SULT2B1: variants seen among roughly 807,000 people sequenced by gnomAD.
SULT2B1 encodes sulfotransferase family 2B member 1, also known as sulfotransferase 2B1.
Under a neutral mutation model 33.2 loss-of-function variants are expected in SULT2B1, and 16 were observed. The ratio of observed to expected loss-of-function variants is 0.48; its 90% confidence interval spans 0.33 to 0.73. The LOEUF is 0.73. SULT2B1 is among the 30% of genes least tolerant of loss of function. The probability of loss-of-function intolerance (pLI) is 0.02; values close to 1 mark genes in which losing one functional copy is unlikely to be tolerated. For synonymous variants in SULT2B1, 186 were observed against 200.5 expected, an observed-to-expected ratio of 0.93 and a Z score of 0.61; for missense variants, 500 against 506.0, an observed-to-expected ratio of 0.99 and a Z score of 0.11.
At chr19:48,570,247 T>G (rs1973302615) in intron 1 of SULT2B1, among the ~76,000 whole-genome samples, 1 of 150,666 alleles carries the variant, frequency 6.6e-6, no homozygotes, top group Non-Finnish European at 1.5e-5. Context: ...TGGCGCGATC[T>G]GGGCTCACTG....
At chr19:48,569,862 C>T (rs1973297456) in intron 1 of SULT2B1, among the ~76,000 whole-genome samples, 1 of 152,014 alleles carries the variant, frequency 6.6e-6, no homozygotes, top group South Asian at 2.1e-4. Context: ...GATGGGGTTT[C>T]GCCATGTTGC....
chr19:48,586,074 T>C (rs912747581), intron 2 of SULT2B1, among the ~76,000 whole-genome samples: 3 of 151,438 alleles, frequency 2.0e-5, no homozygotes, highest in Admixed American at 6.6e-5. Context: ...AATAAGAAAT[T>C]AGCCAGGTGT....
At chr19:48,576,641 T>TC (rs1973416201) in intron 2 of SULT2B1, among the ~76,000 whole-genome samples, 1 of 11,912 alleles carries the variant, frequency 8.4e-5, no homozygotes, top group African/African-American at 4.7e-4. Context: ...AATTGTATAC[T>TC]TTTTTTTTTT....
intron 2 of SULT2B1, among the ~76,000 whole-genome samples, chr19:48,579,283 C>CTTT (rs142498510): frequency 2.2e-5 from 3 of 136,674 alleles, no homozygotes; most frequent in African/African-American, 5.4e-5. Context: ...CATGCAAGTT[C>CTTT]TTTTTTTTTT....
chr19:48,591,695 C>A lies in SULT2B1; in HGVS notation c.510C>A (p.Gly170=), dbSNP rs1344158046. The A allele has an allele frequency of 1.9e-6, 3 of 1,611,276 alleles. No individual in the cohort carries two copies. In the African/African-American group the frequency reaches 4.0e-5, roughly 22 times the overall value. The part of the protein sequence containing the change: ...SKIAGQLKDP[G]TPDQFLRDFL... ...TCGCCGGGCAGTTAAAGGACCCGGG[C>A]ACACCCGACCAGTTCCTGAGGGACT... is the stretch of plus-strand genomic sequence containing the variant. Residue 170 remains glycine, a synonymous_variant, in exon 4 of 7, where the codon GGC becomes GGA. Coordinates refer to ENST00000201586, the MANE Select transcript of SULT2B1 (RefSeq NM_177973.2).
intron 1 of SULT2B1, among the ~76,000 whole-genome samples, chr19:48,555,764 G>T (rs2147594630): frequency 6.6e-6 from 1 of 152,048 alleles, no homozygotes; most frequent in South Asian, 2.1e-4. Flanking sequence ...TTTGGAGATG[G>T]AGTCTTGCTC....
At chr19:48,593,144 C>T (rs987016305) in intron 5 of SULT2B1, among the ~76,000 whole-genome samples, 75 of 152,120 alleles carry the variant, frequency 4.9e-4, no homozygotes, top group African/African-American at 1.7e-3. Context: ...AATCCTAATG[C>T]TTTGGGAGCC....
chr19:48,592,442 C>A (rs1334679334), intron 4 of SULT2B1, among the ~76,000 whole-genome samples: 1 of 152,238 alleles, frequency 6.6e-6, no homozygotes, highest in African/African-American at 2.4e-5. Flanking sequence ...CCTTTCTCTG[C>A]TGCTGTCAGA....
intron 1 of SULT2B1, among the ~76,000 whole-genome samples, chr19:48,553,944 C>T (rs1056769909): frequency 2.0e-5 from 3 of 151,850 alleles, no homozygotes; most frequent in African/African-American, 7.3e-5. Context: ...AAGGCCTCAC[C>T]CCCACCCCAG....
intron 1 of SULT2B1, among the ~76,000 whole-genome samples, chr19:48,559,662 A>G (rs1973148913): frequency 6.6e-6 from 1 of 152,210 alleles, no homozygotes; most frequent in South Asian, 2.1e-4. Flanking sequence ...TGTGGGACCC[A>G]GTGGGTCACC....
chr19:48,591,934 G>T (rs148298130), intron 4 of SULT2B1, among the ~76,000 whole-genome samples, 199 bp downstream of exon 4: 3 of 152,184 alleles, frequency 2.0e-5, no homozygotes, highest in Non-Finnish European at 4.4e-5. Context: ...CACAGGACAG[G>T]CAAAGGACAG....
intron 2 of SULT2B1, among the ~76,000 whole-genome samples, chr19:48,579,611 T>TC (rs1568409559): frequency 0.02 from 2,734 of 138,892 alleles, 120 homozygotes; most frequent in African/African-American, 0.069. Flanking sequence ...CTTTCTTTTT[T>TC]TTTTTTTTTT....
intron 3 of SULT2B1, among the ~76,000 whole-genome samples, 197 bp downstream of exon 3, chr19:48,587,634 G>A (rs1973583305): frequency 6.6e-6 from 1 of 152,124 alleles, no homozygotes; most frequent in Admixed American, 6.6e-5. Flanking sequence ...GCTCATGCCT[G>A]TAGTCCCAGC....
At chr19:48,597,778 T>G (rs1318310030) in intron 6 of SULT2B1, among the ~76,000 whole-genome samples, 1 of 150,894 alleles carries the variant, frequency 6.6e-6, no homozygotes, top group Non-Finnish European at 1.5e-5. Context: ...CAAGTAGCTG[T>G]GACTATAGGC....
chr19:48,579,174 T>C (rs1973451720), intron 2 of SULT2B1, among the ~76,000 whole-genome samples: 1 of 152,212 alleles, frequency 6.6e-6, no homozygotes, highest in Admixed American at 6.6e-5. Context: ...TAATATTTTA[T>C]GTTATGTATA....
At chr19:48,581,847 T>G (rs369886720) in intron 2 of SULT2B1, among the ~76,000 whole-genome samples, 30 of 150,926 alleles carry the variant, frequency 2.0e-4, no homozygotes, top group African/African-American at 6.8e-4. Context: ...TCTTTTCATT[T>G]TCATATCAGC....
At chr19:48,561,464 AAATT>A (rs869182776) in intron 1 of SULT2B1, among the ~76,000 whole-genome samples, 2 of 83,216 alleles carry the variant, frequency 2.4e-5, no homozygotes, top group Non-Finnish European at 6.7e-5. Flanking sequence ...TAAAATAAAT[AAATT>A]AATTAAGATA....
At chr19:48,594,152 T>A (rs971412115) in intron 5 of SULT2B1, among the ~76,000 whole-genome samples, 1 of 151,844 alleles carries the variant, frequency 6.6e-6, no homozygotes, top group African/African-American at 2.4e-5. Context: ...CCCCAGCTAC[T>A]CGGGAGGCTG....
intron 2 of SULT2B1, among the ~76,000 whole-genome samples, chr19:48,577,525 C>A (rs1057333650): frequency 6.6e-6 from 1 of 151,096 alleles, no homozygotes; most frequent in African/African-American, 2.4e-5. Context: ...GCCACTACAC[C>A]CAGCTAATTT....
Sources: gnomAD v4.1 joint callset for allele counts (sites outside exome capture counted in the v4.1 genomes callset) on GRCh38, gnomAD v4.1.1 for gene constraint, MANE v1.5 for transcripts, NCBI Gene and HGNC (gene_info 2026-07-23, HGNC 2026-07-21) for gene names.